The following PRRC2B variants were observed in gnomAD, a reference collection of about 807,000 sequenced individuals.
PRRC2B encodes the protein protein PRRC2B.
A neutral mutation model predicts 242.3 loss-of-function variants in PRRC2B; 68 were observed. That is an observed-to-expected ratio of 0.28 (90% confidence interval 0.23 to 0.34). The LOEUF is 0.34. Ranked by LOEUF, PRRC2B falls within the 10% of genes least tolerant of loss-of-function variation. The pLI, the probability that PRRC2B is intolerant of heterozygous loss-of-function variation, is 1.00. For synonymous variants in PRRC2B, 1,228 were observed against 1,173.6 expected, an observed-to-expected ratio of 1.05 and a Z score of -0.95; for missense variants, 2,835 against 2,954.8, an observed-to-expected ratio of 0.96 and a Z score of 0.94.
rs180947809 is a variant in PRRC2B at position 131,419,581 on chromosome 9, C to T, written c.-51-10513C>T. Among the ~76,000 whole-genome samples the T allele has an allele frequency of 8.1e-4, 124 of 152,302 alleles. 2 individuals are homozygous for T. Among genetic ancestry groups the T allele is most frequent in the Admixed American group, 6.1e-3 (94 of 15,298 alleles). On this transcript the variant is annotated intron_variant, in intron 1 of 31. Transcript: ENST00000683519. ...TGGAGAGAGAACAAGAGCAGAACCA[C>T]GGTGAGGTGACAGCCGCCATTGGTC...
At position 131,494,587 on chromosome 9, in the gene PRRC2B, C is replaced by A; in HGVS notation, c.6555+101C>A. 1 of 653,280 alleles carries A rather than the reference C, an allele frequency of 1.5e-6. No homozygotes were observed. Among genetic ancestry groups the A allele is most frequent in the Non-Finnish European group, 2.7e-6 (1 of 375,836 alleles). The allele number at this position is 653,280 out of a possible 1,614,324, so 40.5% of individuals were successfully genotyped here. A position where few individuals can be genotyped will look rare whatever the true frequency, so the allele number is the denominator to read the frequency against. ...TCCAACCTATCTGAGCGCCCCCTGTCTAAAGACAGCCATGCCCTAGCGGTT... is the reference window on the plus strand; with the variant it reads ...TCCAACCTATCTGAGCGCCCCCTGTATAAAGACAGCCATGCCCTAGCGGTT... On this transcript the variant is annotated intron_variant, in intron 31 of 31. Coordinates refer to ENST00000683519, the MANE Select transcript of PRRC2B (RefSeq NM_013318.4). The surrounding 1 kb of genome is among the most constrained non-coding windows in gnomAD (Gnocchi z 4.3).
intron 1 of PRRC2B, among the ~76,000 whole-genome samples, chr9:131,416,210 G>A (rs1837646036): frequency 6.6e-6 from 1 of 151,974 alleles, no homozygotes. Context: ...CCAGGTTCAA[G>A]TGATTCTTCT....
At chr9:131,461,042 C>T (rs1943226970) in intron 11 of PRRC2B, among the ~76,000 whole-genome samples, 1 of 152,188 alleles carries the variant, frequency 6.6e-6, no homozygotes, top group Non-Finnish European at 1.5e-5. Context: ...CTCATTGATA[C>T]CTCCAGTTCC....
At chr9:131,448,548 A>AAAAAAAAAAAAAAAAAAAAC (rs1838893347) in intron 9 of PRRC2B, among the ~76,000 whole-genome samples, 1 of 83,136 alleles carries the variant, frequency 1.2e-5, no homozygotes, top group Non-Finnish European at 2.5e-5. Flanking sequence ...TGTCTCAAAA[A>AAAAAAAAAAAAAAAAAAAAC]AAAAAAAAAA....
At chr9:131,404,032 T>C (rs1339065437) in intron 1 of PRRC2B, among the ~76,000 whole-genome samples, 1 of 152,128 alleles carries the variant, frequency 6.6e-6, no homozygotes, top group Admixed American at 6.6e-5. Context: ...CTTCCCATCT[T>C]GGCCTCTGAA....
chr9:131,438,623 CG>C (rs2131338096), intron 4 of PRRC2B, among the ~76,000 whole-genome samples: 1 of 152,234 alleles, frequency 6.6e-6, no homozygotes, highest in African/African-American at 2.4e-5. Context: ...TAGTCTTTGT[CG>C]CTGGAGCAAA....
chr9:131,432,011 C>A (rs1175875861), intron 2 of PRRC2B, among the ~76,000 whole-genome samples: 2 of 151,866 alleles, frequency 1.3e-5, no homozygotes, highest in Non-Finnish European at 2.9e-5. Context: ...CCAGGCTGGT[C>A]TCGAACTCCT....
intron 28 of PRRC2B, chr9:131,490,411 C>T (rs1564302895): frequency 1.9e-6 from 1 of 517,480 alleles, no homozygotes; most frequent in Non-Finnish European, 3.9e-6. Flanking sequence ...GCAGCATCTT[C>T]CCATCATTTT....
At chr9:131,457,744 ATCT>A (rs1319175652) in intron 10 of PRRC2B, among the ~76,000 whole-genome samples, 1 of 152,072 alleles carries the variant, frequency 6.6e-6, no homozygotes, top group Non-Finnish European at 1.5e-5. Context: ...GCCCATAGTC[ATCT>A]TCTAAAAACA....
Position 131,487,891 on chromosome 9 carries a change from C to G in PRRC2B, c.6020C>G (p.Pro2007Arg), listed in dbSNP as rs983039642. ...QVYMHPSLSP[P>R]STMILSGGTA... ...TACATGCACCCCAGCCTGTCACCGCCCAGCACCATGATCCTCTCTGGGGGC... is the reference window on the plus strand; with the variant it reads ...TACATGCACCCCAGCCTGTCACCGCGCAGCACCATGATCCTCTCTGGGGGC... The change falls in exon 28 of 32, where the codon CCC (proline) becomes CGC (arginine). Residue 2007 changes from proline (P) to arginine (R), a missense_variant. Pro to Arg is a moderately radical substitution (Grantham distance 103, BLOSUM62 -2). Around this residue, in one of 7 missense-constraint regions of PRRC2B, gnomAD observed 574 missense variants for 626.0 expected, o/e 0.92. Coordinates refer to ENST00000683519, the MANE Select transcript of PRRC2B (RefSeq NM_013318.4). The surrounding 1 kb of genome is among the most constrained non-coding windows in gnomAD (Gnocchi z 5.3). 1.2e-6 allele frequency: 2 copies of G among 1,613,420 alleles called. No homozygotes were observed. Among genetic ancestry groups the G allele is most frequent in the Non-Finnish European group, 1.7e-6 (2 of 1,179,388 alleles).
At position 131,474,855 on chromosome 9, in the gene PRRC2B, A is replaced by G. The variant is rs1301572605; in HGVS notation, c.2726A>G (p.Asn909Ser). 1.2e-6 allele frequency: 2 copies of G among 1,609,110 alleles called. No individual in the cohort carries two copies. The highest frequency in any genetic ancestry group is 1.7e-6 in the Non-Finnish European group (2 of 1,178,318). ...TCCTGGGACAAGAACGGGAGCCCCA[A>G]CAAACAGCCATCCTCGGAGCCTGAA... ...ISSWDKNGSP[N>S]KQPSSEPEWT... is the part of the protein sequence containing the mutation. The change falls in exon 16 of 32, where the codon AAC becomes AGC. Residue 909 changes from asparagine to serine, a missense_variant. Transcript: ENST00000683519.
intron 1 of PRRC2B, among the ~76,000 whole-genome samples, chr9:131,410,242 C>G (rs923196496): frequency 2.0e-5 from 3 of 152,202 alleles, no homozygotes; most frequent in Non-Finnish European, 2.9e-5. Flanking sequence ...TGCCTGTGAG[C>G]TAGATGAGGA....
At position 131,485,123 on chromosome 9, in the gene PRRC2B, C is replaced by A; in HGVS notation, c.5741C>A (p.Pro1914His). 6.3e-7 allele frequency: 1 copy of A among 1,589,784 alleles called. No individual in the cohort carries two copies. The highest frequency in any genetic ancestry group is 8.6e-7 in the Non-Finnish European group (1 of 1,166,324). ...CCCATGCCTGTGGCCTCTGTAGCAC[C>A]TTCTGCTTCTATGCCAGGTATCTCA... ...MPPMPVASVAPSASMPGSHLP... is the reference protein window; with the variant it reads ...MPPMPVASVAHSASMPGSHLP... Residue 1914 changes from proline to histidine, a missense_variant, in exon 25 of 32, where the codon CCT becomes CAT. By Grantham distance (77) the Pro-to-His change is moderately conservative. Coordinates refer to ENST00000683519, the MANE Select transcript of PRRC2B (RefSeq NM_013318.4).
chr9:131,496,240 T>G lies in PRRC2B; in HGVS notation c.*366T>G. On this transcript the variant is annotated 3_prime_UTR_variant, in exon 32 of 32. Coordinates refer to ENST00000683519, the MANE Select transcript of PRRC2B (RefSeq NM_013318.4). Reference sequence around the variant, plus strand: ...GCAGTGCTTCCGGCCCAGCCGCCCATCCCTAGGCACAGTGATTTGGCAGCA... The same window carrying G: ...GCAGTGCTTCCGGCCCAGCCGCCCAGCCCTAGGCACAGTGATTTGGCAGCA... 5.0e-6 allele frequency: 1 copy of G among 200,568 alleles called. No individual in the cohort carries two copies. The highest frequency in any genetic ancestry group is 1.0e-5 in the Non-Finnish European group (1 of 100,000). 12.4% of individuals were successfully genotyped at this position (200,568 alleles called of 1,614,324 possible).
In PRRC2B at chr9:131,495,897, C is replaced by T. The variant is rs761029518; in HGVS notation, c.*23C>T. 22 of 1,596,308 alleles carry T rather than the reference C, an allele frequency of 1.4e-5. No homozygotes were observed. Among genetic ancestry groups the T allele is most frequent in the Non-Finnish European group, 1.9e-5 (22 of 1,167,080 alleles). On this transcript the variant is annotated 3_prime_UTR_variant, in exon 32 of 32. Transcript: ENST00000683519. ...TGACAGTGCCTGGCTGCCACCTCGC[C>T]TCTCCCTACTGAGGACGGTGCCGCC...
rs187282013 is a variant in PRRC2B at position 131,499,095 on chromosome 9, C to G, written c.*3221C>G. On this transcript the variant is annotated 3_prime_UTR_variant, in exon 32 of 32. Transcript: ENST00000683519. ...TATTTCACATTCAAGAAAATCAGTT[C>G]AGTTCCAAAGCTGTGGTCCTTCCAG... is the stretch of plus-strand genomic sequence containing the variant. 1.3e-5 allele frequency: 2 copies of G among 152,350 alleles called. No individual in the cohort carries two copies. The highest frequency in any genetic ancestry group is 4.8e-5 in the African/African-American group (2 of 41,588). 9.4% of individuals were successfully genotyped at this position (152,350 alleles called of 1,614,324 possible). A position where few individuals can be genotyped will look rare whatever the true frequency, so the allele number is the denominator to read the frequency against.
intron 1 of PRRC2B, among the ~76,000 whole-genome samples, chr9:131,421,302 C>T (rs755889060): frequency 6.6e-6 from 1 of 152,150 alleles, no homozygotes; most frequent in East Asian, 1.9e-4. Context: ...TAGGTGAGGT[C>T]GCCTTACTTA....
rs754661321 is a variant in PRRC2B at position 131,448,543 on chromosome 9, C to CAAAAAAAAAAAAAAAAAAAAAAAAAA, written c.1120+741_1120+766dup. ...TGGGCGACAGAGGGAGACACTGTCT[C>CAAAAAAAAAAAAAAAAAAAAAAAAAA]AAAAAAAAAAAAAAAAAAAAAAAAA... On this transcript the variant is annotated intron_variant, in intron 9 of 31. Transcript: ENST00000683519. Among the ~76,000 whole-genome samples the CAAAAAAAAAAAAAAAAAAAAAAAAAA allele has an allele frequency of 3.7e-3, 149 of 39,890 alleles. 57 individuals are homozygous for CAAAAAAAAAAAAAAAAAAAAAAAAAA. The highest frequency in any genetic ancestry group is 8.6e-3 in the South Asian group (8 of 930). The allele number at this position is 39,890 out of a possible 152,430, so 26.2% of individuals were successfully genotyped here. A position where few individuals can be genotyped will look rare whatever the true frequency, so the allele number is the denominator to read the frequency against.
intron 5 of PRRC2B, among the ~76,000 whole-genome samples, chr9:131,440,979 T>C (rs1838551202): frequency 1.3e-5 from 2 of 152,106 alleles, no homozygotes; most frequent in Admixed American, 1.3e-4. Flanking sequence ...CAGACACCTG[T>C]AGTCCCAGCT....
Sources: gnomAD v4.1 joint callset for allele counts (sites outside exome capture counted in the v4.1 genomes callset) on GRCh38, gnomAD v4.1.1 for gene constraint, gnomAD v4.1.1 regional missense constraint, Gnocchi (gnomAD v3.1) non-coding constraint, MANE v1.5 for transcripts, NCBI Gene and HGNC (gene_info 2026-07-23, HGNC 2026-07-21) for gene names.